The following ATP5PO variants were observed in gnomAD, a reference collection of about 807,000 sequenced individuals.
The protein encoded by ATP5PO is ATP synthase peripheral stalk subunit OSCP, mitochondrial.
In ATP5PO, 14 loss-of-function variants were observed where a neutral mutation model predicts 26.2. The observed-to-expected ratio is 0.53, with a 90% confidence interval of 0.35 to 0.83. The LOEUF is 0.83. Among genes scored for constraint, ATP5PO ranks in the 40% least tolerant of loss-of-function variants. ATP5PO has a pLI of 0.01. For missense variants in ATP5PO, 241 were observed against 258.5 expected (o/e 0.93, Z 0.46); for synonymous variants, 106 against 95.1 (o/e 1.12, Z -0.67).
chr21:33,905,918 GAAA>G (rs59334506), intron 5 of ATP5PO, among the ~76,000 whole-genome samples: 8 of 98,434 alleles, frequency 8.1e-5, no homozygotes, highest in Non-Finnish European at 1.1e-4. Flanking sequence ...TCTCAAAAAA[GAAA>G]AAAAAAAAAA....
intron 2 of ATP5PO, 39 bp downstream of exon 2, chr21:33,914,411 G>T: frequency 1.3e-6 from 2 of 1,587,268 alleles, no homozygotes; most frequent in Non-Finnish European, 1.7e-6. Context: ...TCACACTTTC[G>T]CGTACTTTAT....
chr21:33,904,141 G>T, intron 5 of ATP5PO, 120 bp from the exon 6 acceptor site: 1 of 770,594 alleles, frequency 1.3e-6, no homozygotes, highest in Non-Finnish European at 2.0e-6. Flanking sequence ...TGCTACCTGG[G>T]CCCATCATGG....
At position 33,903,473 on chromosome 21, in the gene ATP5PO, T is replaced by C. The variant is rs1015074311; in HGVS notation, c.*53A>G. On this transcript the variant is annotated 3_prime_UTR_variant, in exon 7 of 7. Coordinates refer to ENST00000290299, the MANE Select transcript of ATP5PO (RefSeq NM_001697.3). ...TAATATGATCTGTTCTGGAAGCTTT[T>C]TATTGTTGCTCCAAGTTTAAGAATT... 1.9e-5 allele frequency: 28 copies of C among 1,497,756 alleles called. No homozygotes were observed. Among genetic ancestry groups the C allele is most frequent in the Non-Finnish European group, 2.6e-5 (28 of 1,080,766 alleles). 92.8% of individuals were successfully genotyped at this position (1,497,756 alleles called of 1,614,324 possible).
chr21:33,912,306 C>A lies in ATP5PO; in HGVS notation c.181G>T (p.Glu61Ter), dbSNP rs1280743628. ...CTACTTACTGCTACTCTCAACAACT[C>A]CTTTTCTACTTGCTCCAGCTTATTC... ...KQNKLEQVEK[E>*]LLRVAQILKE... Residue 61 changes from glutamate to a stop codon, truncating the protein, a stop_gained, in exon 3 of 7, where the codon GAG becomes TAG. Coordinates refer to ENST00000290299, the MANE Select transcript of ATP5PO (RefSeq NM_001697.3). LOFTEE classifies it high-confidence loss of function. 4 of 1,612,548 alleles carry A rather than the reference C, an allele frequency of 2.5e-6. No homozygotes were observed. Among genetic ancestry groups the A allele is most frequent in the Non-Finnish European group, 3.4e-6 (4 of 1,179,032 alleles).
intron 2 of ATP5PO, among the ~76,000 whole-genome samples, chr21:33,912,857 C>T (rs186606094): frequency 1.3e-4 from 20 of 152,346 alleles, no homozygotes; most frequent in Admixed American, 2.6e-4. Context: ...TTCATACTAA[C>T]ACTACACATT....
At chr21:33,906,609 T>C (rs1419794227) in intron 5 of ATP5PO, 1 of 386,550 alleles carries the variant, frequency 2.6e-6, no homozygotes, top group African/African-American at 2.7e-5. Flanking sequence ...TAGCCAATTA[T>C]AGCCCACTAT....
chr21:33,906,769 C>T (rs1322275914), intron 5 of ATP5PO: 2 of 456,286 alleles, frequency 4.4e-6, no homozygotes, highest in South Asian at 3.1e-5. Flanking sequence ...AGGTGGGTCA[C>T]TTGAGCCCAG....
chr21:33,905,865 T>C (rs1020593887), intron 5 of ATP5PO, among the ~76,000 whole-genome samples: 5 of 134,658 alleles, frequency 3.7e-5, no homozygotes, highest in Non-Finnish European at 7.6e-5. Flanking sequence ...TGAGCTAAGA[T>C]CGTGCCACTG....
rs2148605299 is a variant in ATP5PO, at chr21:33,905,450, A to G, written c.442-1429T>C. ...TCAGCAGGTGAGGACCAGCCCCAAT[A>G]TTTGAAACCAGTCTGTGTATTTCTA... is the stretch of plus-strand genomic sequence containing the variant. On this transcript the variant is annotated intron_variant, in intron 5 of 6. Coordinates refer to ENST00000290299, the MANE Select transcript of ATP5PO (RefSeq NM_001697.3). Among the ~76,000 whole-genome samples, 4 of 152,308 alleles carry G rather than the reference A, an allele frequency of 2.6e-5. No homozygotes were observed. The South Asian group carries it at 8.3e-4, about 32-fold the overall frequency.
chr21:33,908,372 C>G (rs1987203533), intron 4 of ATP5PO, among the ~76,000 whole-genome samples: 1 of 152,016 alleles, frequency 6.6e-6, no homozygotes, highest in Admixed American at 6.6e-5. Flanking sequence ...ATCATGAACA[C>G]ACTTTCTCTG....
rs767819239 is a variant in ATP5PO at position 33,909,222 on chromosome 21, C to T, written c.199-11G>A. 6.2e-7 allele frequency: 1 copy of T among 1,604,238 alleles called. No homozygotes were observed. The highest frequency in any genetic ancestry group is 8.5e-7 in the Non-Finnish European group (1 of 1,176,766). ...TTCCTTCAGGATTTGCTGAAAGCAT[C>T]AAAAAATAATTTCTTAAATTTTTTA... On this transcript the variant is annotated splice_polypyrimidine_tract_variant and intron_variant, in intron 3 of 6. Coordinates refer to ENST00000290299, the MANE Select transcript of ATP5PO (RefSeq NM_001697.3).
intron 2 of ATP5PO, among the ~76,000 whole-genome samples, chr21:33,913,889 C>T (rs1987280235): frequency 6.6e-6 from 1 of 151,964 alleles, no homozygotes; most frequent in African/African-American, 2.4e-5. Flanking sequence ...AAGCAATTCT[C>T]CTACCTCAGC....
rs1197185474 is a variant in ATP5PO at position 33,912,274 on chromosome 21, A to C, written c.198+15T>G. On this transcript the variant is annotated intron_variant, in intron 3 of 6. Coordinates refer to ENST00000290299, the MANE Select transcript of ATP5PO (RefSeq NM_001697.3). ...AACAGGAACTTCATATGTAATGAAT[A>C]GGAAAGCTACTTACTGCTACTCTCA... 7 of 1,592,876 alleles carry C rather than the reference A, an allele frequency of 4.4e-6. No homozygotes were observed. The highest frequency in any genetic ancestry group is 6.0e-6 in the Non-Finnish European group (7 of 1,163,586).
intron 4 of ATP5PO, among the ~76,000 whole-genome samples, chr21:33,907,684 G>A (rs1045462015): frequency 2.0e-5 from 3 of 152,112 alleles, no homozygotes; most frequent in African/African-American, 7.2e-5. Context: ...AAAACGTTAG[G>A]GCTTGGTGGT....
At chr21:33,906,873 C>T in intron 5 of ATP5PO, 2 of 420,230 alleles carry the variant, frequency 4.8e-6, no homozygotes, top group South Asian at 3.5e-5. Flanking sequence ...GCACTGTAAT[C>T]CCAGCTACTC....
intron 5 of ATP5PO, among the ~76,000 whole-genome samples, chr21:33,905,908 T>G (rs1404403294): frequency 3.4e-5 from 2 of 59,322 alleles, no homozygotes; most frequent in Non-Finnish European, 6.3e-5. Flanking sequence ...TGAGACTCAG[T>G]CTCAAAAAAG....
At chr21:33,905,934 A>AG (rs927165869) in intron 5 of ATP5PO, among the ~76,000 whole-genome samples, 13 of 151,036 alleles carry the variant, frequency 8.6e-5, no homozygotes, top group East Asian at 7.8e-4. Context: ...AAAAAAAAAA[A>AG]AAAAGAAAAT....
At chr21:33,907,089 C>A (rs1338229070) in intron 5 of ATP5PO, 2 of 478,854 alleles carry the variant, frequency 4.2e-6, no homozygotes, top group Non-Finnish European at 7.6e-6. Context: ...TCTTTTCCAA[C>A]ACATTTTGAT....
At chr21:33,909,041 T>TA (rs1569366808) in intron 4 of ATP5PO, 41 bp downstream of exon 4, 1 of 1,551,232 alleles carries the variant, frequency 6.4e-7, no homozygotes, top group East Asian at 2.3e-5. Flanking sequence ...TTTCCAGTCA[T>TA]AGTTTCAAGA....
Sources: gnomAD v4.1 joint callset for allele counts (sites outside exome capture counted in the v4.1 genomes callset) on GRCh38, gnomAD v4.1.1 for gene constraint, MANE v1.5 for transcripts, NCBI Gene and HGNC (gene_info 2026-07-23, HGNC 2026-07-21) for gene names.